CFAP43: variants seen among roughly 807,000 people sequenced by gnomAD.
CFAP43 encodes the protein cilia and flagella associated protein 43, also known as cilia- and flagella-associated protein 43.
CFAP43 carries 155 observed loss-of-function variants against 218.9 expected under a neutral mutation model. The ratio of observed to expected loss-of-function variants is 0.71; its 90% CI spans 0.62 to 0.81. The LOEUF (loss-of-function observed/expected upper bound fraction) is 0.81, where lower values mean the gene tolerates loss of function less well. CFAP43 is among the 30% of genes least tolerant of loss of function. The probability of loss-of-function intolerance (pLI) is 0.00; values close to 1 mark genes in which losing one functional copy is unlikely to be tolerated. For synonymous variants in CFAP43, 645 were observed against 681.3 expected (o/e 0.95, Z 0.83); for missense variants, 1,778 against 1,954.3 (o/e 0.91, Z 1.70).
intron 21 of CFAP43, among the ~76,000 whole-genome samples, chr10:104,168,470 A>G (rs893909886): frequency 1.3e-5 from 2 of 152,204 alleles, no homozygotes; most frequent in Non-Finnish European, 2.9e-5. Flanking sequence ...ACAGCTATTA[A>G]GACCCAGATG....
At chr10:104,229,905 AGTC>A in intron 2 of CFAP43, among the ~76,000 whole-genome samples, 1 of 152,278 alleles carries the variant, frequency 6.6e-6, no homozygotes, top group African/African-American at 2.4e-5. Context: ...AAGAAAAAAA[AGTC>A]ATTGCTCTGA....
intron 2 of CFAP43, among the ~76,000 whole-genome samples, chr10:104,226,136 C>T (rs769666645): frequency 4.6e-5 from 7 of 152,198 alleles, no homozygotes; most frequent in Non-Finnish European, 8.8e-5. Flanking sequence ...AAACAAGAAG[C>T]GCCTGTCTCT....
chr10:104,182,849 C>G (rs1257967156), intron 16 of CFAP43, among the ~76,000 whole-genome samples: 1 of 152,126 alleles, frequency 6.6e-6, no homozygotes, highest in Non-Finnish European at 1.5e-5. Flanking sequence ...GTAGCTGGGA[C>G]TACAGGGGTA....
At position 104,146,247 on chromosome 10, in the gene CFAP43, A is replaced by C. The variant is rs1162023353; in HGVS notation, c.3855+16T>G. On this transcript the variant is annotated intron_variant, in intron 30 of 37. Transcript: ENST00000357060. Reference sequence around the variant, plus strand: ...ACTCTACTGCATTGTTGAGTGGGTAAGACAACAACTCTCACTTTGTCTTCT... The same window carrying C: ...ACTCTACTGCATTGTTGAGTGGGTACGACAACAACTCTCACTTTGTCTTCT... 2 of 1,608,782 alleles carry C rather than the reference A, an allele frequency of 1.2e-6. No individual in the cohort carries two copies. Among genetic ancestry groups the C allele is most frequent in the Non-Finnish European group, 1.7e-6 (2 of 1,175,394 alleles).
chr10:104,199,191 C>G (rs1190041802), intron 8 of CFAP43, among the ~76,000 whole-genome samples: 1 of 150,838 alleles, frequency 6.6e-6, no homozygotes, highest in East Asian at 1.9e-4. Flanking sequence ...TTTTCAGCTC[C>G]CAAACTCACC....
In CFAP43 at chr10:104,194,002, C is replaced by G. The variant is rs768849782; in HGVS notation, c.1306G>C (p.Ala436Pro). 8.7e-6 allele frequency: 14 copies of G among 1,613,460 alleles called. No individual in the cohort carries two copies. Among genetic ancestry groups the G allele is most frequent in the Non-Finnish European group, 1.1e-5 (13 of 1,180,024 alleles). Residue 436 changes from alanine (A) to proline (P), a missense_variant, in exon 11 of 38, where the codon GCT becomes CCT. Physicochemically the swap from Ala to Pro is conservative, Grantham distance 27. Transcript: ENST00000357060. ...GCAGAGAGGGAGGATGGACAGCAAG[C>G]CAGAACCGTTGCCTGTTTAAAATAA... The part of the protein sequence containing the change: ...IYLNTLATVL[A>P]CCPSSLSAAV...
chr10:104,228,588 AC>A (rs2091365457), intron 2 of CFAP43, among the ~76,000 whole-genome samples: 1 of 152,178 alleles, frequency 6.6e-6, no homozygotes, highest in Non-Finnish European at 1.5e-5. Flanking sequence ...CCTACAAATT[AC>A]TTTCTATGAC....
intron 17 of CFAP43, among the ~76,000 whole-genome samples, chr10:104,180,507 A>G (rs2089796774): frequency 7.2e-6 from 1 of 138,886 alleles, no homozygotes; most frequent in African/African-American, 2.8e-5. Context: ...GTGCAGTGGT[A>G]TGATCTTGGC....
intron 5 of CFAP43, among the ~76,000 whole-genome samples, chr10:104,210,347 C>A (rs1168204853): frequency 1.3e-5 from 2 of 152,228 alleles, no homozygotes; most frequent in African/African-American, 4.8e-5. Context: ...AATCTTCACA[C>A]TGAATTATTT....
In CFAP43 at chr10:104,206,043, A is replaced by G. The variant is rs750794219; in HGVS notation, c.896-13T>C. ...AAATTTCTTCTGTCTTCTGGAAAAGAAAAACAAGGTAAAGCAGGTGACGTA... is the reference window on the plus strand; with the variant it reads ...AAATTTCTTCTGTCTTCTGGAAAAGGAAAACAAGGTAAAGCAGGTGACGTA... On this transcript the variant is annotated splice_polypyrimidine_tract_variant and intron_variant, in intron 6 of 37. Coordinates refer to ENST00000357060, the MANE Select transcript of CFAP43 (RefSeq NM_025145.7). 1 of 1,595,060 alleles carries G rather than the reference A, an allele frequency of 6.3e-7. No homozygotes were observed. The highest frequency in any genetic ancestry group is 2.2e-5 in the East Asian group (1 of 44,728).
At chr10:104,140,497 T>C (rs1306497062) in intron 34 of CFAP43, among the ~76,000 whole-genome samples, 1 of 152,256 alleles carries the variant, frequency 6.6e-6, no homozygotes, top group Admixed American at 6.5e-5. Context: ...GCAGGCAATA[T>C]GTTTTGTCTT....
chr10:104,214,582 T>C (rs942908434), intron 3 of CFAP43, among the ~76,000 whole-genome samples, 156 bp from the exon 4 acceptor site: 1 of 152,250 alleles, frequency 6.6e-6, no homozygotes, highest in Non-Finnish European at 1.5e-5. Flanking sequence ...ATAATTATGC[T>C]TATCATTGTA....
rs552534499 is a variant in CFAP43 at position 104,182,666 on chromosome 10, A to G, written c.2142-153T>C. 5.3e-4 allele frequency among the ~76,000 whole-genome samples: 81 copies of G among 152,338 alleles called. No individual in the cohort carries two copies. The South Asian group carries it at 0.01, about 19-fold the overall frequency. On this transcript the variant is annotated intron_variant, in intron 16 of 37. Transcript: ENST00000357060. ...CAATTCTTCACAGTGCCTTGTGGAA[A>G]CTTCTTCAGTGCCTACTTCTTTTGC...
chr10:104,223,095 G>A (rs1251527361), intron 3 of CFAP43, among the ~76,000 whole-genome samples: 1 of 152,176 alleles, frequency 6.6e-6, no homozygotes, highest in Non-Finnish European at 1.5e-5. Flanking sequence ...AAAAACAGGT[G>A]GTGGGCCAGA....
At chr10:104,214,071 C>G (rs2090943412) in intron 4 of CFAP43, among the ~76,000 whole-genome samples, 188 bp downstream of exon 4, 1 of 152,136 alleles carries the variant, frequency 6.6e-6, no homozygotes, top group Non-Finnish European at 1.5e-5. Flanking sequence ...ATGCAAACAA[C>G]CACTCCAAGG....
intron 2 of CFAP43, among the ~76,000 whole-genome samples, chr10:104,229,306 C>A (rs1780124500): frequency 6.6e-6 from 1 of 152,108 alleles, no homozygotes; most frequent in South Asian, 2.1e-4. Flanking sequence ...GAATCATTAG[C>A]TGGTGGCTCC....
chr10:104,214,859 C>T (rs1356908517), intron 3 of CFAP43, among the ~76,000 whole-genome samples: 3 of 152,168 alleles, frequency 2.0e-5, no homozygotes, highest in African/African-American at 4.8e-5. Context: ...AAAGTGGTGC[C>T]AGGCGCGGTG....
chr10:104,213,530 T>C (rs1444082702), intron 4 of CFAP43, among the ~76,000 whole-genome samples: 1 of 152,082 alleles, frequency 6.6e-6, no homozygotes, highest in Non-Finnish European at 1.5e-5. Flanking sequence ...TGTGTCTGAA[T>C]GTATAATCTG....
intron 32 of CFAP43, 33 bp from the exon 33 acceptor site, chr10:104,142,426 A>G (rs764666001): frequency 6.5e-6 from 10 of 1,548,598 alleles, no homozygotes; most frequent in African/African-American, 2.7e-5. Context: ...ATGTCAGAAC[A>G]TATGGAGCTT....
Sources: allele counts gnomAD v4.1 joint callset (sites outside exome capture counted in the v4.1 genomes callset), GRCh38; gene constraint gnomAD v4.1.1; transcripts MANE v1.5; gene names NCBI Gene and HGNC (gene_info 2026-07-23, HGNC 2026-07-21).